EPHB2: variants seen among roughly 807,000 people sequenced by gnomAD.
EPHB2 encodes the protein EPH receptor B2.
Under a neutral mutation model 96.4 loss-of-function variants are expected in EPHB2, and 18 were observed. The observed-to-expected ratio is 0.19, with a 90% confidence interval of 0.13 to 0.28. EPHB2 has a LOEUF of 0.28. EPHB2 is among the 10% of genes least tolerant of loss of function. The pLI, the probability that EPHB2 is intolerant of heterozygous loss-of-function variation, is 1.00. For synonymous variants in EPHB2, 506 were observed against 534.1 expected (o/e 0.95, Z 0.72); for missense variants, 989 against 1,355.4 (o/e 0.73, Z 4.25).
intron 1 of EPHB2, among the ~76,000 whole-genome samples, chr1:22,753,132 C>T (rs141359760): frequency 6.6e-6 from 1 of 152,232 alleles, no homozygotes; most frequent in African/African-American, 2.4e-5. Flanking sequence ...GTCTTTTTCA[C>T]CCACTACTGG....
intron 9 of EPHB2, among the ~76,000 whole-genome samples, chr1:22,900,837 T>C (rs1639726623): frequency 6.6e-6 from 1 of 152,172 alleles, no homozygotes; most frequent in South Asian, 2.1e-4. Context: ...CCAGCCACCC[T>C]GCGTGGTCAG....
intron 9 of EPHB2, among the ~76,000 whole-genome samples, chr1:22,901,833 G>GTGTGTGTT (rs1419606639): frequency 6.6e-6 from 1 of 151,852 alleles, no homozygotes; most frequent in Admixed American, 6.6e-5. Context: ...GTGTGTGTGT[G>GTGTGTGTT]TGTGTGTGTG....
chr1:22,838,795 G>T (rs988089763), intron 3 of EPHB2, among the ~76,000 whole-genome samples: 4 of 152,098 alleles, frequency 2.6e-5, no homozygotes, highest in African/African-American at 7.2e-5. Context: ...GCCGGGCGTG[G>T]TGGCAGGTGC....
Position 22,914,369 on chromosome 1 carries a change from C to A in EPHB2, c.*799C>A, listed in dbSNP as rs1411426207. On this transcript the variant is annotated 3_prime_UTR_variant, in exon 16 of 16. Transcript: ENST00000374630. The stretch of plus-strand genomic sequence containing the variant: ...CAGCCTGGCCCTCCTGGTGCCCACT[C>A]CCGCCAGCCCCTGCCTCGAGGACTG... 21 of 161,050 alleles carry A rather than the reference C, an allele frequency of 1.3e-4. No individual in the cohort carries two copies. Among genetic ancestry groups the A allele is most frequent in the Non-Finnish European group, 9.6e-5 (7 of 72,638 alleles). The allele number at this position is 161,050 out of a possible 1,614,324, so 10.0% of individuals were successfully genotyped here. A position where few individuals can be genotyped will look rare whatever the true frequency, so the allele number is the denominator to read the frequency against.
At position 22,784,998 on chromosome 1, in the gene EPHB2, G is replaced by A. The variant is rs750175312; in HGVS notation, c.733G>A (p.Gly245Ser). 2.5e-6 allele frequency: 4 copies of A among 1,613,946 alleles called. No homozygotes were observed. The highest frequency in any genetic ancestry group is 1.1e-5 in the South Asian group (1 of 91,094). ...VPIKLYCNGD[G>S]EWLVPIGRCM... ...CATCAAGCTCTACTGTAACGGGGAC[G>A]GCGAGTGGCTGGTGCCCATCGGGCG... is the stretch of plus-strand genomic sequence containing the variant. The change falls in exon 3 of 16, where the codon GGC becomes AGC. Residue 245 changes from glycine to serine, a missense_variant. Physicochemically the swap from Gly to Ser is moderately conservative, Grantham distance 56. Transcript: ENST00000374630. The surrounding 1 kb of genome is among the most constrained non-coding windows in gnomAD (Gnocchi z 5.1).
chr1:22,765,544 C>T (rs1202444387), intron 1 of EPHB2, among the ~76,000 whole-genome samples: 8 of 30,806 alleles, frequency 2.6e-4, no homozygotes, highest in African/African-American at 9.6e-4. Flanking sequence ...GAGACCCTGT[C>T]GCAAAAAAAA....
chr1:22,775,133 T>C (rs1644431532), intron 1 of EPHB2: 1 of 773,850 alleles, frequency 1.3e-6, no homozygotes, highest in Non-Finnish European at 2.4e-6. Flanking sequence ...CTTTGTTGTT[T>C]TGTGTTGTCT....
chr1:22,826,435 T>G (rs556249345), intron 3 of EPHB2, among the ~76,000 whole-genome samples: 2 of 152,340 alleles, frequency 1.3e-5, no homozygotes, highest in South Asian at 4.1e-4. Context: ...ATTTAAACTT[T>G]TGATGTTTAG....
intron 1 of EPHB2, among the ~76,000 whole-genome samples, chr1:22,764,164 A>G (rs577111986): frequency 2.4e-4 from 36 of 152,350 alleles, no homozygotes; most frequent in African/African-American, 8.2e-4. Context: ...TAGATGAGAA[A>G]GCAAGTCTGC....
chr1:22,838,587 A>T (rs946059574), intron 3 of EPHB2, among the ~76,000 whole-genome samples: 1 of 152,194 alleles, frequency 6.6e-6, no homozygotes, highest in Non-Finnish European at 1.5e-5. Flanking sequence ...CCCTGGGGTA[A>T]GCTAGCATGT....
At chr1:22,764,731 CA>C (rs1365145793) in intron 1 of EPHB2, among the ~76,000 whole-genome samples, 2,487 of 139,918 alleles carry the variant, frequency 0.018, 18 homozygotes, top group Non-Finnish European at 0.026. Context: ...GGGCAACTCT[CA>C]AAAAAAAAAA....
At chr1:22,838,605 G>A (rs2148494643) in intron 3 of EPHB2, among the ~76,000 whole-genome samples, 1 of 152,228 alleles carries the variant, frequency 6.6e-6, no homozygotes, top group East Asian at 1.9e-4. Context: ...TGTAGCTCCT[G>A]TCCCCGAAAA....
intron 9 of EPHB2, 56 bp downstream of exon 9, chr1:22,896,534 A>G (rs1471114593): frequency 1.9e-6 from 3 of 1,609,078 alleles, no homozygotes; most frequent in Admixed American, 1.7e-5. Flanking sequence ...TCGGTTCCCC[A>G]GTGACCTCTT....
intron 3 of EPHB2, among the ~76,000 whole-genome samples, chr1:22,823,002 C>CCTACATATA (rs1645173837): frequency 6.6e-6 from 1 of 152,096 alleles, no homozygotes; most frequent in African/African-American, 2.4e-5. Context: ...GCCACTGAGA[C>CCTACATATA]CTACATATAC....
At chr1:22,734,605 A>G (rs141027300) in intron 1 of EPHB2, among the ~76,000 whole-genome samples, 2,145 of 152,174 alleles carry the variant, frequency 0.014, 59 homozygotes, top group African/African-American at 0.048. Flanking sequence ...TATTTTTAGT[A>G]GAGATGGGGT....
At chr1:22,768,591 G>T (rs1644337001) in intron 1 of EPHB2, among the ~76,000 whole-genome samples, 1 of 152,016 alleles carries the variant, frequency 6.6e-6, no homozygotes, top group Non-Finnish European at 1.5e-5. Context: ...TTCTCAGGAG[G>T]CTGAGGTGGG....
At chr1:22,724,181 A>G (rs1643531449) in intron 1 of EPHB2, among the ~76,000 whole-genome samples, 1 of 152,224 alleles carries the variant, frequency 6.6e-6, no homozygotes, top group Non-Finnish European at 1.5e-5. Context: ...CAACATGTTT[A>G]CCACATTTGC....
At chr1:22,735,149 A>G (rs925019025) in intron 1 of EPHB2, among the ~76,000 whole-genome samples, 5 of 152,080 alleles carry the variant, frequency 3.3e-5, no homozygotes, top group African/African-American at 1.2e-4. Context: ...TTTGCTGGGT[A>G]CGGTGGCTCA....
chr1:22,864,439 A>T (rs990354223), intron 4 of EPHB2, among the ~76,000 whole-genome samples: 2 of 152,190 alleles, frequency 1.3e-5, no homozygotes, highest in African/African-American at 4.8e-5. Context: ...ACAAAGGGAC[A>T]CGCCATAGCT....
Sources: gnomAD v4.1 joint callset for allele counts (sites outside exome capture counted in the v4.1 genomes callset) on GRCh38, gnomAD v4.1.1 for gene constraint, Gnocchi (gnomAD v3.1) non-coding constraint, MANE v1.5 for transcripts, NCBI Gene and HGNC (gene_info 2026-07-23, HGNC 2026-07-21) for gene names.